KDM2B: variants seen among roughly 807,000 people sequenced by gnomAD.
The protein encoded by KDM2B is lysine-specific demethylase 2B.
Under a neutral mutation model 150.0 loss-of-function variants are expected in KDM2B, and 26 were observed. The observed-to-expected ratio is 0.17, with a 90% CI of 0.13 to 0.24. The LOEUF (loss-of-function observed/expected upper bound fraction) is 0.24, where lower values mean the gene tolerates loss of function less well. Ranked by LOEUF, KDM2B falls within the 10% of genes least tolerant of loss-of-function variation. KDM2B has a pLI of 1.00. For synonymous variants in KDM2B, 734 were observed against 729.5 expected (o/e 1.01, Z -0.10); for missense variants, 1,265 against 1,816.9 (o/e 0.70, Z 5.52).
intron 4 of KDM2B, among the ~76,000 whole-genome samples, chr12:121,562,613 C>T (rs923212201): frequency 3.3e-5 from 5 of 150,988 alleles, no homozygotes; most frequent in Non-Finnish European, 5.9e-5. Flanking sequence ...AGACACCATA[C>T]AGACACCCAG....
chr12:121,509,107 G>A (rs1555303405), intron 11 of KDM2B, among the ~76,000 whole-genome samples: 4 of 152,100 alleles, frequency 2.6e-5, no homozygotes, highest in African/African-American at 7.2e-5. Flanking sequence ...TGCCCAGGCT[G>A]GAGTGCAGTG....
At chr12:121,540,754 CAAAAA>C (rs60199948) in intron 6 of KDM2B, among the ~76,000 whole-genome samples, 32 of 64,498 alleles carry the variant, frequency 5.0e-4, no homozygotes, top group Non-Finnish European at 6.8e-4. Context: ...GACTCTGTCT[CAAAAA>C]AAAAAAAAAA....
chr12:121,470,008 A>G (rs1880587498), intron 12 of KDM2B: 1 of 151,818 alleles, frequency 6.6e-6, no homozygotes. Context: ...GAGGCACAAG[A>G]ATCACTTGAA....
At chr12:121,488,805 G>C (rs1390248723) in intron 12 of KDM2B, among the ~76,000 whole-genome samples, 1 of 149,538 alleles carries the variant, frequency 6.7e-6, no homozygotes, top group Non-Finnish European at 1.5e-5. Context: ...TTGGTTTTTT[G>C]TTTGTTTGTT....
chr12:121,452,342 C>A lies in KDM2B; in HGVS notation c.1959+778G>T, dbSNP rs115227270. On this transcript the variant is annotated intron_variant, in intron 13 of 22. Transcript: ENST00000377071. The surrounding 1 kb of genome is among the most constrained non-coding windows in gnomAD (Gnocchi z 4.4). ...AAGAAATATGCGTGGAAGGAGATGG[C>A]TGAGGTGTCTGGGCCTGCGGGGCAT... Among the ~76,000 whole-genome samples, 433 of 152,338 alleles carry A rather than the reference C, an allele frequency of 2.8e-3. 2 individuals carry two copies. The highest frequency in any genetic ancestry group is 0.01 in the African/African-American group (418 of 41,578).
chr12:121,560,667 G>A (rs1890268281), intron 4 of KDM2B, among the ~76,000 whole-genome samples: 1 of 152,058 alleles, frequency 6.6e-6, no homozygotes, highest in Non-Finnish European at 1.5e-5. Context: ...GAAGAGACGG[G>A]GGCCGCCAGT....
chr12:121,423,514 A>G, the KDM2B span: 5 of 1,614,222 alleles, frequency 3.1e-6, no homozygotes, highest in Non-Finnish European at 4.2e-6. This position sits in a 1 kb window ranked among gnomAD's most constrained non-coding sequence, Gnocchi z 4.3. Context: ...CGGCAAGCGC[A>G]TGAGTGAGTG....
intron 6 of KDM2B, among the ~76,000 whole-genome samples, chr12:121,543,070 C>T (rs542313246): frequency 1.1e-4 from 17 of 152,280 alleles, no homozygotes; most frequent in African/African-American, 3.4e-4. Context: ...CACTGAGGCC[C>T]GGCGCAGTGG....
At chr12:121,417,670 A>G in the KDM2B span, 1 of 1,614,208 alleles carries the variant, frequency 6.2e-7, no homozygotes, top group Admixed American at 1.7e-5. The surrounding 1 kb of genome is among the most constrained non-coding windows in gnomAD (Gnocchi z 5.0). Context: ...ATTCTGAGAA[A>G]TATACCCATA....
In KDM2B at chr12:121,444,000, C is replaced by T. The variant is rs1016843809; in HGVS notation, c.2451+12G>A. On this transcript the variant is annotated intron_variant, in intron 16 of 22. Transcript: ENST00000377071. ...CCAACCCCTTTGCCTCCCAGCCCCTCCTGGTCCGTACCCGCTTGCGTCCAC... is the reference window on the plus strand; with the variant it reads ...CCAACCCCTTTGCCTCCCAGCCCCTTCTGGTCCGTACCCGCTTGCGTCCAC... 6.3e-7 allele frequency: 1 copy of T among 1,596,926 alleles called. No homozygotes were observed. Among genetic ancestry groups the T allele is most frequent in the Non-Finnish European group, 8.5e-7 (1 of 1,169,678 alleles).
chr12:121,467,082 G>C lies in KDM2B; in HGVS notation c.1735-13738C>G. On this transcript the variant is annotated intron_variant, in intron 12 of 22. Transcript: ENST00000377071. This position sits in a 1 kb window ranked among gnomAD's most constrained non-coding sequence, Gnocchi z 5.1. ...TCGCGGCGGCGGCGGCGTCGCGGCC[G>C]CCCTCGGCGCGTCAGACAGGCGGTC... The C allele has an allele frequency of 1.1e-6, 1 of 876,068 alleles. No individual in the cohort carries two copies. The highest frequency in any genetic ancestry group is 2.4e-5 in the South Asian group (1 of 41,548). The allele number at this position is 876,068 out of a possible 1,614,324, so 54.3% of individuals were successfully genotyped here.
Position 121,520,870 on chromosome 12 carries a change from A to C in KDM2B, c.1047+115T>G. ...GGACTGAAGCCAGCTTGAGAGAGGA[A>C]TCGGGAGGGAGAGGGGAACTGTGGA... is the stretch of plus-strand genomic sequence containing the variant. On this transcript the variant is annotated intron_variant, in intron 9 of 22. Coordinates refer to ENST00000377071, the MANE Select transcript of KDM2B (RefSeq NM_032590.5). The surrounding 1 kb of genome is among the most constrained non-coding windows in gnomAD (Gnocchi z 4.5). 2 of 571,704 alleles carry C rather than the reference A, an allele frequency of 3.5e-6. No individual in the cohort carries two copies. The highest frequency in any genetic ancestry group is 4.4e-5 in the East Asian group (1 of 22,978). The allele number at this position is 571,704 out of a possible 1,614,324, so 35.4% of individuals were successfully genotyped here.
In KDM2B at chr12:121,453,068, C is replaced by T. The variant is rs899834176; in HGVS notation, c.1959+52G>A. On this transcript the variant is annotated intron_variant, in intron 13 of 22. Transcript: ENST00000377071. The surrounding 1 kb of genome is among the most constrained non-coding windows in gnomAD (Gnocchi z 6.4). ...GCGAGCAGCGGTCAGACACGCGGGCCGGCACGCAGGGGCCTGAATCGAGCG... is the reference window on the plus strand; with the variant it reads ...GCGAGCAGCGGTCAGACACGCGGGCTGGCACGCAGGGGCCTGAATCGAGCG... 8.9e-6 allele frequency: 13 copies of T among 1,464,364 alleles called. No individual in the cohort carries two copies. The highest frequency in any genetic ancestry group is 1.2e-5 in the Non-Finnish European group (13 of 1,089,572). 90.7% of individuals were successfully genotyped at this position (1,464,364 alleles called of 1,614,324 possible). A position where few individuals can be genotyped will look rare whatever the true frequency, so the allele number is the denominator to read the frequency against.
chr12:121,506,542 C>G (rs76287054), intron 11 of KDM2B, among the ~76,000 whole-genome samples: 8,045 of 152,214 alleles, frequency 0.053, 291 homozygotes, highest in Middle Eastern at 0.099. Flanking sequence ...CTAAATATCT[C>G]TAAAGACAGG....
In KDM2B at chr12:121,442,068, AAGAGCATCGCC is replaced by A; in HGVS notation, c.3284+78_3284+88del. ...GAAGCCATACTGGGGTTTGGAAGGA[AAGAGCATCGCC>A]AGCGACTCCACACACCACGGGCCAT... is the stretch of plus-strand genomic sequence containing the variant. On this transcript the variant is annotated intron_variant, in intron 19 of 22. Coordinates refer to ENST00000377071, the MANE Select transcript of KDM2B (RefSeq NM_032590.5). The surrounding 1 kb of genome is among the most constrained non-coding windows in gnomAD (Gnocchi z 7.7). The A allele has an allele frequency of 9.1e-7, 1 of 1,102,582 alleles. No individual in the cohort carries two copies. The highest frequency in any genetic ancestry group is 1.3e-5 in the South Asian group (1 of 74,212). 68.3% of individuals were successfully genotyped at this position (1,102,582 alleles called of 1,614,324 possible).
chr12:121,488,276 C>T (rs1186004771), intron 12 of KDM2B, among the ~76,000 whole-genome samples: 1 of 152,194 alleles, frequency 6.6e-6, no homozygotes, highest in Admixed American at 6.5e-5. Flanking sequence ...GCTCCCTGCT[C>T]CTCCTCTCGT....
intron 11 of KDM2B, among the ~76,000 whole-genome samples, chr12:121,508,379 C>T (rs186877595): frequency 6.6e-6 from 1 of 152,310 alleles, no homozygotes. Context: ...AGCCACCGTG[C>T]CTGGCCCGCA....
At chr12:121,427,211 T>G (rs1555284373), downstream of KDM2B, among the ~76,000 whole-genome samples, 2 of 151,814 alleles carry the variant, frequency 1.3e-5, no homozygotes, top group Non-Finnish European at 2.9e-5. Flanking sequence ...TTGTAGCATT[T>G]AGCCTCGGCT....
rs1273469481 is a variant in KDM2B, at chr12:121,453,755, C to G, written c.1735-411G>C. 1.3e-5 allele frequency among the ~76,000 whole-genome samples: 2 copies of G among 152,058 alleles called. No homozygotes were observed. The highest frequency in any genetic ancestry group is 3.9e-4 in the East Asian group (2 of 5,184). On this transcript the variant is annotated intron_variant, in intron 12 of 22. Coordinates refer to ENST00000377071, the MANE Select transcript of KDM2B (RefSeq NM_032590.5). The surrounding 1 kb of genome is among the most constrained non-coding windows in gnomAD (Gnocchi z 6.4). ...TAGAGCCCGCAGAGCCAGCCCGGCC[C>G]GCCAGCCCACACCTTGACTTCAGAC...
Sources: gnomAD v4.1 joint callset for allele counts (sites outside exome capture counted in the v4.1 genomes callset) on GRCh38, gnomAD v4.1.1 for gene constraint, Gnocchi (gnomAD v3.1) non-coding constraint, MANE v1.5 for transcripts, NCBI Gene and HGNC (gene_info 2026-07-23, HGNC 2026-07-21) for gene names.